LTA4H: variants seen among roughly 807,000 people sequenced by gnomAD.
The protein encoded by LTA4H is leukotriene A-4 hydrolase.
A neutral mutation model predicts 89.8 loss-of-function variants in LTA4H; 59 were observed. That is an observed-to-expected ratio of 0.66 (90% CI 0.53 to 0.82). The LOEUF is 0.82. Ranked by LOEUF, LTA4H falls within the 40% of genes least tolerant of loss-of-function variation. The pLI is 0.00. For synonymous variants in LTA4H, 227 were observed against 253.1 expected (o/e 0.90, Z 0.98); for missense variants, 617 against 727.0 (o/e 0.85, Z 1.74).
chr12:96,013,769 T>C lies in LTA4H; in HGVS notation c.1289A>G (p.Tyr430Cys). ...TCCAACCTTATCTTTAAAATAGGAA[T>C]ACAGGAAATCCTTCCAGTCATCAGT... ...ITTDDWKDFL[Y>C]SYFKDKVDVL... Residue 430 changes from tyrosine (Y) to cysteine (C), a missense_variant, in exon 13 of 19, where the codon TAT (tyrosine) becomes TGT (cysteine). Transcript: ENST00000228740. The C allele has an allele frequency of 6.4e-7, 1 of 1,560,802 alleles. No individual in the cohort carries two copies. Among genetic ancestry groups the C allele is most frequent in the African/African-American group, 1.4e-5 (1 of 73,112 alleles).
intron 3 of LTA4H, among the ~76,000 whole-genome samples, chr12:96,026,928 C>T (rs1267639817): frequency 6.6e-6 from 1 of 152,072 alleles, no homozygotes; most frequent in African/African-American, 2.4e-5. Flanking sequence ...TTAAGTCATG[C>T]AATTTTAAAG....
intron 1 of LTA4H, among the ~76,000 whole-genome samples, chr12:96,041,724 C>CCGCTGCAAGA (rs1950687858): frequency 6.6e-6 from 1 of 151,956 alleles, no homozygotes; most frequent in Non-Finnish European, 1.5e-5. Flanking sequence ...TCACTGCAAG[C>CCGCTGCAAGA]TCCGCCTCCC....
At position 96,009,257 on chromosome 12, in the gene LTA4H, A is replaced by G. The variant is rs146816378; in HGVS notation, c.1380-109T>C. ...TTCAAAGTCCCTTTTAAATAAGGAA[A>G]ACAAACTCCAAAGTGAGGAAAATAG... On this transcript the variant is annotated intron_variant, in intron 14 of 18. Coordinates refer to ENST00000228740, the MANE Select transcript of LTA4H (RefSeq NM_000895.3). 18 of 707,668 alleles carry G rather than the reference A, an allele frequency of 2.5e-5. No homozygotes were observed. In the East Asian group the frequency reaches 4.8e-4, roughly 19 times the overall value. The allele number at this position is 707,668 out of a possible 1,614,324, so 43.8% of individuals were successfully genotyped here.
At chr12:96,013,125 T>C in intron 14 of LTA4H, 63 bp downstream of exon 14, 1 of 1,252,366 alleles carries the variant, frequency 8.0e-7, no homozygotes, top group Non-Finnish European at 1.2e-6. Flanking sequence ...TTCTTTCAGA[T>C]ATTTTGAGGC....
chr12:96,010,087 T>C (rs955068032), intron 14 of LTA4H: 3 of 152,224 alleles, frequency 2.0e-5, no homozygotes, highest in African/African-American at 7.2e-5. Context: ...TCAGAGGTCC[T>C]TGACTGATCA....
intron 1 of LTA4H, among the ~76,000 whole-genome samples, chr12:96,029,495 A>G (rs1047934809): frequency 3.9e-5 from 6 of 152,234 alleles, no homozygotes; most frequent in African/African-American, 1.2e-4. Context: ...AATTTTCTCT[A>G]TTATGAAAAA....
rs967657631 is a variant in LTA4H, at chr12:96,022,469, G to GTA, written c.481-220_481-219dup. ...TATATATATGCACACATATATATGT[G>GTA]TATATATATAAAACACATATACAAA... On this transcript the variant is annotated intron_variant, in intron 4 of 18. Transcript: ENST00000228740. This position sits in a 1 kb window ranked among gnomAD's most constrained non-coding sequence, Gnocchi z 4.0. Among the ~76,000 whole-genome samples, 1 of 151,670 alleles carries GTA rather than the reference G, an allele frequency of 6.6e-6. No individual in the cohort carries two copies. The highest frequency in any genetic ancestry group is 2.4e-5 in the African/African-American group (1 of 41,254).
At chr12:96,035,784 C>T, upstream of LTA4H, 1 of 591,602 alleles carries the variant, frequency 1.7e-6, no homozygotes, top group Non-Finnish European at 2.5e-6. Flanking sequence ...ACCAAGCGTG[C>T]TCCTGGAGCT....
chr12:96,014,884 A>T lies in LTA4H; in HGVS notation c.1175T>A (p.Phe392Tyr). The T allele has an allele frequency of 1.2e-6, 2 of 1,613,472 alleles. No homozygotes were observed. Among genetic ancestry groups the T allele is most frequent in the South Asian group, 2.2e-5 (2 of 90,874 alleles). Reference protein sequence around the residue: ...VPYEKGFALLFYLEQLLGGPE... With the variant: ...VPYEKGFALLYYLEQLLGGPE... ...TCCTCCAAGCAGTTGTTCAAGGTAA[A>T]AAAGTAAAGCAAAGCCCTTCTCATA... is the stretch of plus-strand genomic sequence containing the variant. Residue 392 changes from phenylalanine to tyrosine, a missense_variant, in exon 12 of 19, where the codon TTT becomes TAT. Around this residue, in one of 3 missense-constraint regions of LTA4H, gnomAD observed 290 missense variants for 339.1 expected, o/e 0.86. Transcript: ENST00000228740.
chr12:96,001,097 A>T lies in LTA4H; in HGVS notation c.1728T>A (p.Ala576=). 6.2e-7 allele frequency: 1 copy of T among 1,612,768 alleles called. No homozygotes were observed. The highest frequency in any genetic ancestry group is 1.1e-5 in the South Asian group (1 of 91,040). The change falls in exon 19 of 19, where the codon GCT becomes GCA. Residue 576 remains alanine, a synonymous_variant. Transcript: ENST00000228740. ...KFTRPLFKDL[A]AFDKSHDQAV... The stretch of plus-strand genomic sequence containing the variant: ...CTTGATCATGGGATTTGTCAAAGGC[A>T]GCAAGATCCCTGCCAAAAAAGAAAA...
At chr12:96,019,852 G>A (rs1191017553) in intron 6 of LTA4H, among the ~76,000 whole-genome samples, 2 of 149,828 alleles carry the variant, frequency 1.3e-5, no homozygotes, top group African/African-American at 4.9e-5. Context: ...CGCCTGCCTC[G>A]GCCACCCAAA....
chr12:96,036,834 A>G (rs1950651828), upstream of LTA4H, among the ~76,000 whole-genome samples: 2 of 152,230 alleles, frequency 1.3e-5, no homozygotes, highest in African/African-American at 4.8e-5. Flanking sequence ...CAGGCTGTAC[A>G]GGAAGCATAG....
intron 16 of LTA4H, among the ~76,000 whole-genome samples, chr12:96,005,477 A>G (rs1438152563): frequency 2.6e-5 from 4 of 152,172 alleles, no homozygotes; most frequent in Admixed American, 2.6e-4. Flanking sequence ...CTTAGCATTG[A>G]GAGTCATCAC....
chr12:96,018,430 T>C (rs1035943391), intron 8 of LTA4H, among the ~76,000 whole-genome samples: 3 of 152,066 alleles, frequency 2.0e-5, no homozygotes, highest in African/African-American at 7.2e-5. Context: ...GCACCTATAG[T>C]CCCAGCTACT....
chr12:96,020,011 C>T (rs1384649995), intron 6 of LTA4H, among the ~76,000 whole-genome samples: 1 of 150,912 alleles, frequency 6.6e-6, no homozygotes, highest in African/African-American at 2.4e-5. Context: ...TCAAGCAATA[C>T]TCCCACCTCA....
intron 2 of LTA4H, among the ~76,000 whole-genome samples, chr12:96,028,141 A>G (rs528063364): frequency 1.1e-3 from 175 of 152,296 alleles, no homozygotes; most frequent in African/African-American, 4.1e-3. Flanking sequence ...TCTATGACAG[A>G]TTGAAGAGGA....
intron 18 of LTA4H, 89 bp from the exon 19 acceptor site, chr12:96,001,195 A>C: frequency 2.6e-6 from 2 of 774,608 alleles, no homozygotes; most frequent in Non-Finnish European, 4.5e-6. Context: ...AAAGGAGGGA[A>C]GGGGTTCAGA....
intron 8 of LTA4H, 99 bp from the exon 9 acceptor site, chr12:96,017,679 C>T (rs777944892): frequency 4.4e-5 from 35 of 797,654 alleles, no homozygotes; most frequent in Non-Finnish European, 7.2e-5. Flanking sequence ...CACTGGTGAT[C>T]CACTGTATTT....
exon 1 of LTA4H, chr12:96,043,457 G>T (rs1338213205): frequency 2.3e-6 from 2 of 883,320 alleles, no homozygotes; most frequent in African/African-American, 1.7e-5. Context: ...CTCTTCCCTT[G>T]TTGCTTTAAA....
Sources: allele counts gnomAD v4.1 joint callset (sites outside exome capture counted in the v4.1 genomes callset), GRCh38; gene constraint gnomAD v4.1.1; regional missense constraint gnomAD v4.1.1; non-coding constraint Gnocchi (gnomAD v3.1); transcripts MANE v1.5; gene names NCBI Gene and HGNC (gene_info 2026-07-23, HGNC 2026-07-21).